MCC: variants seen among roughly 807,000 people sequenced by gnomAD.
The protein encoded by MCC is MCC regulator of Wnt signaling pathway.
MCC carries 90 observed loss-of-function variants against 116.2 expected under a neutral mutation model. The ratio of observed to expected loss-of-function variants is 0.77; its 90% CI spans 0.65 to 0.92. The LOEUF is 0.92. Among genes scored for constraint, MCC ranks in the 40% least tolerant of loss-of-function variants. MCC has a pLI of 0.00. For missense variants in MCC, 1,516 were observed against 1,312.2 expected (o/e 1.16, Z -2.40); for synonymous variants, 578 against 510.5 (o/e 1.13, Z -1.78).
chr5:113,094,734 C>G (rs1165129468), intron 8 of MCC, among the ~76,000 whole-genome samples: 1 of 152,204 alleles, frequency 6.6e-6, no homozygotes, highest in Non-Finnish European at 1.5e-5. Flanking sequence ...TTCCTAATTT[C>G]TTACCAGCTT....
rs763992676 is a variant in MCC at position 113,027,462 on chromosome 5, T to G, written c.2900A>C (p.Glu967Ala). The G allele has an allele frequency of 1.9e-6, 3 of 1,614,118 alleles. No homozygotes were observed. Among genetic ancestry groups the G allele is most frequent in the African/African-American group, 1.3e-5 (1 of 74,944 alleles). Residue 967 changes from glutamate to alanine, a missense_variant, in exon 19 of 19, where the codon GAG becomes GCG. By Grantham distance (107) the Glu-to-Ala change is moderately radical. Transcript: ENST00000408903. Reference sequence around the variant, plus strand: ...GTTTTGATGCTTTTTCTTTGCTTTCTCATAGGCAGCCACCAGGTTGCTAGG... The same window carrying G: ...GTTTTGATGCTTTTTCTTTGCTTTCGCATAGGCAGCCACCAGGTTGCTAGG... ...RANSNLVAAY[E>A]KAKKKHQNKL...
chr5:113,187,537 C>T (rs1204270933), intron 3 of MCC, among the ~76,000 whole-genome samples: 1 of 152,078 alleles, frequency 6.6e-6, no homozygotes, highest in Non-Finnish European at 1.5e-5. Context: ...GGCTCCCAAA[C>T]TTACCCTAGA....
chr5:113,078,163 A>G (rs6866425), intron 11 of MCC, among the ~76,000 whole-genome samples: 20 of 152,340 alleles, frequency 1.3e-4, no homozygotes, highest in African/African-American at 4.6e-4. Flanking sequence ...GCAATAATTA[A>G]TAGCCTATCA....
intron 3 of MCC, chr5:113,269,224 A>C: frequency 1.0e-6 from 1 of 985,350 alleles, no homozygotes; most frequent in Non-Finnish European, 1.2e-6. Flanking sequence ...GGGCCCCGCA[A>C]TCTCTCTCCA....
chr5:113,472,129 G>T (rs550675535), intron 1 of MCC, among the ~76,000 whole-genome samples: 69 of 152,264 alleles, frequency 4.5e-4, no homozygotes, highest in African/African-American at 1.6e-3. Context: ...GCAATGCCTT[G>T]CTCTGCTTTG....
chr5:113,093,550 G>C (rs1364851646), intron 8 of MCC, among the ~76,000 whole-genome samples: 1 of 152,124 alleles, frequency 6.6e-6, no homozygotes, highest in Admixed American at 6.5e-5. Flanking sequence ...TAGGCAGAGT[G>C]GGAAAGTGAG....
chr5:113,372,609 T>TATA (rs1464451938), intron 2 of MCC, among the ~76,000 whole-genome samples: 2 of 152,204 alleles, frequency 1.3e-5, no homozygotes, highest in Non-Finnish European at 2.9e-5. Context: ...ACAAATAGAA[T>TATA]ATAACATCAT....
chr5:113,340,376 A>C (rs1362443741), intron 3 of MCC, 143 bp downstream of exon 3: 2 of 744,282 alleles, frequency 2.7e-6, no homozygotes, highest in Non-Finnish European at 4.4e-6. Context: ...ACTAAACATT[A>C]CTGGCAATGC....
chr5:113,101,633 A>T, intron 8 of MCC, 106 bp downstream of exon 8: 1 of 1,218,018 alleles, frequency 8.2e-7, no homozygotes, highest in South Asian at 1.3e-5. Flanking sequence ...GATTCCCAAA[A>T]TTACAAATGC....
At chr5:113,407,018 A>C (rs1769855054) in intron 1 of MCC, among the ~76,000 whole-genome samples, 1 of 152,210 alleles carries the variant, frequency 6.6e-6, no homozygotes, top group African/African-American at 2.4e-5. Flanking sequence ...CCTAAATATA[A>C]ATTTGGAAAT....
intron 8 of MCC, among the ~76,000 whole-genome samples, chr5:113,087,630 T>TTTCAG (rs1755295139): frequency 6.6e-6 from 1 of 152,162 alleles, no homozygotes; most frequent in African/African-American, 2.4e-5. Flanking sequence ...TCCCGGTGAA[T>TTTCAG]TTCAGTTTTT....
intron 1 of MCC, among the ~76,000 whole-genome samples, chr5:113,484,706 G>T (rs1772466533): frequency 6.6e-6 from 1 of 152,166 alleles, no homozygotes; most frequent in Non-Finnish European, 1.5e-5. Flanking sequence ...ACTCAAAAAT[G>T]TTAAGCACTG....
intron 1 of MCC, among the ~76,000 whole-genome samples, chr5:113,487,616 A>G (rs1040623345): frequency 1.3e-5 from 2 of 152,226 alleles, no homozygotes; most frequent in African/African-American, 4.8e-5. Context: ...AGAGCCGGGT[A>G]GGAGTCGGGT....
At chr5:113,199,849 A>G (rs191816794) in intron 3 of MCC, among the ~76,000 whole-genome samples, 1 of 152,220 alleles carries the variant, frequency 6.6e-6, no homozygotes, top group Non-Finnish European at 1.5e-5. Context: ...CACTCCAAAC[A>G]TCCTGAACTT....
At chr5:113,107,070 C>A (rs1241665669) in intron 6 of MCC, among the ~76,000 whole-genome samples, 4 of 152,160 alleles carry the variant, frequency 2.6e-5, no homozygotes, top group African/African-American at 7.2e-5. Flanking sequence ...CTTTGATCTT[C>A]CTCATCATTT....
At chr5:113,267,085 C>G (rs562694239) in intron 3 of MCC, among the ~76,000 whole-genome samples, 2 of 152,288 alleles carry the variant, frequency 1.3e-5, no homozygotes, top group East Asian at 3.9e-4. Context: ...CATTATTAAA[C>G]TATTTCAGCA....
chr5:113,027,032 A>C lies in MCC; in HGVS notation c.*270T>G, dbSNP rs560855123. The C allele has an allele frequency of 9.9e-6, 4 of 402,212 alleles. No individual in the cohort carries two copies. In the South Asian group the frequency reaches 2.6e-4, roughly 26 times the overall value. The allele number at this position is 402,212 out of a possible 1,614,324, so 24.9% of individuals were successfully genotyped here. ...GGGGGAGAGTGAGTGCTGAAAGCAGAAACGAGGCTCTGCTGAGCAGGCACA... is the reference window on the plus strand; with the variant it reads ...GGGGGAGAGTGAGTGCTGAAAGCAGCAACGAGGCTCTGCTGAGCAGGCACA... On this transcript the variant is annotated 3_prime_UTR_variant, in exon 19 of 19. Transcript: ENST00000408903.
intron 3 of MCC, among the ~76,000 whole-genome samples, chr5:113,225,064 T>C (rs575069959): frequency 1.3e-5 from 2 of 152,346 alleles, no homozygotes; most frequent in African/African-American, 2.4e-5. Context: ...GCGACTGACA[T>C]GTCTGTGTAA....
At chr5:113,084,891 G>A (rs9326874) in intron 9 of MCC, among the ~76,000 whole-genome samples, 69,059 of 152,122 alleles carry the variant, frequency 0.45, 17,194 homozygotes, top group African/African-American at 0.68. Flanking sequence ...TTGACAAAAC[G>A]TCTCACTCTC....
Sources: gnomAD v4.1 joint callset for allele counts (sites outside exome capture counted in the v4.1 genomes callset) on GRCh38, gnomAD v4.1.1 for gene constraint, MANE v1.5 for transcripts, NCBI Gene and HGNC (gene_info 2026-07-23, HGNC 2026-07-21) for gene names.